The following ANAPC4 variants were observed in gnomAD, a reference collection of about 807,000 sequenced individuals.
The protein encoded by ANAPC4 is anaphase promoting complex subunit 4, also known as anaphase-promoting complex subunit 4.
ANAPC4 carries 63 observed loss-of-function variants against 119.8 expected under a neutral mutation model. That is an observed-to-expected ratio of 0.53 (90% CI 0.43 to 0.65). ANAPC4 has a LOEUF of 0.65. Ranked by LOEUF, ANAPC4 falls within the 30% of genes least tolerant of loss-of-function variation. The pLI is 0.00. For synonymous variants in ANAPC4, 283 were observed against 318.6 expected, an observed-to-expected ratio of 0.89 and a Z score of 1.19; for missense variants, 716 against 945.1, an observed-to-expected ratio of 0.76 and a Z score of 3.18.
At chr4:25,384,851 C>T (rs920582206) in intron 4 of ANAPC4, among the ~76,000 whole-genome samples, 10 of 151,640 alleles carry the variant, frequency 6.6e-5, no homozygotes, top group African/African-American at 2.4e-4. Flanking sequence ...CCATACGATG[C>T]AGAATGGATT....
At chr4:25,402,109 C>T (rs1208727043) in intron 16 of ANAPC4, among the ~76,000 whole-genome samples, 1 of 152,082 alleles carries the variant, frequency 6.6e-6, no homozygotes, top group East Asian at 1.9e-4. Context: ...AACTTTTTTT[C>T]TTTCTCTTAT....
intron 28 of ANAPC4, 35 bp from the exon 29 acceptor site, chr4:25,418,120 A>T: frequency 3.2e-6 from 5 of 1,567,584 alleles, no homozygotes; most frequent in Non-Finnish European, 4.4e-6. Flanking sequence ...TAAGCCATTA[A>T]TTTAAAAATG....
intron 27 of ANAPC4, chr4:25,416,950 T>C (rs1723910436): frequency 6.2e-6 from 1 of 161,492 alleles, no homozygotes; most frequent in African/African-American, 2.4e-5. Flanking sequence ...CCTTCCAGAA[T>C]TAAGACCTCA....
intron 10 of ANAPC4, among the ~76,000 whole-genome samples, chr4:25,393,023 C>T (rs567512996): frequency 1.3e-5 from 2 of 152,278 alleles, no homozygotes; most frequent in South Asian, 2.1e-4. Context: ...TGCTGCATTC[C>T]GTTAGTCAAA....
In ANAPC4 at chr4:25,405,554, T is replaced by C; in HGVS notation, c.1271-19T>C. The stretch of plus-strand genomic sequence containing the variant: ...TGTAGTTTGCTTTTAAAGATAGTTT[T>C]TTAACTTTGTATTTCCAGCAATGTT... On this transcript the variant is annotated intron_variant, in intron 17 of 28. Coordinates refer to ENST00000315368, the MANE Select transcript of ANAPC4 (RefSeq NM_013367.3). The surrounding 1 kb of genome is among the most constrained non-coding windows in gnomAD (Gnocchi z 4.6). 1 of 1,611,778 alleles carries C rather than the reference T, an allele frequency of 6.2e-7. No individual in the cohort carries two copies. The highest frequency in any genetic ancestry group is 1.1e-5 in the South Asian group (1 of 90,996).
At chr4:25,397,956 G>C (rs1722749422) in intron 16 of ANAPC4, among the ~76,000 whole-genome samples, 1 of 151,578 alleles carries the variant, frequency 6.6e-6, no homozygotes, top group Admixed American at 6.6e-5. Context: ...TTTTGCGATG[G>C]GGTCTTTCTA....
At chr4:25,395,416 T>C (rs1031327223) in intron 14 of ANAPC4, 2 of 152,210 alleles carry the variant, frequency 1.3e-5, no homozygotes, top group African/African-American at 4.8e-5. Context: ...TTGAAGCATT[T>C]TACAAGTGGA....
chr4:25,413,013 A>T (rs146372389), intron 21 of ANAPC4: 1 of 152,014 alleles, frequency 6.6e-6, no homozygotes, highest in East Asian at 1.9e-4. Context: ...ACAGAACTAG[A>T]TACTTAGTTA....
At chr4:25,407,345 G>C in intron 20 of ANAPC4, 92 bp downstream of exon 20, 1 of 912,638 alleles carries the variant, frequency 1.1e-6, no homozygotes, top group Non-Finnish European at 1.6e-6. Context: ...AGTAATACAG[G>C]ATCTCTGCCC....
At chr4:25,401,427 G>A (rs1722966714) in intron 16 of ANAPC4, among the ~76,000 whole-genome samples, 1 of 152,204 alleles carries the variant, frequency 6.6e-6, no homozygotes, top group East Asian at 1.9e-4. Context: ...TGACTGGAGA[G>A]TAGCCCCCTA....
intron 14 of ANAPC4, among the ~76,000 whole-genome samples, chr4:25,396,459 CT>C (rs1314872880): frequency 6.6e-6 from 1 of 152,196 alleles, no homozygotes; most frequent in Non-Finnish European, 1.5e-5. Context: ...AAAATTTGAT[CT>C]TGTCATTTGT....
At chr4:25,411,767 G>A (rs1046543506) in intron 21 of ANAPC4, among the ~76,000 whole-genome samples, 10 of 152,168 alleles carry the variant, frequency 6.6e-5, no homozygotes, top group Non-Finnish European at 1.5e-4. Context: ...CTGGCACTTA[G>A]CACAGAAGCA....
chr4:25,405,523 T>A lies in ANAPC4; in HGVS notation c.1271-50T>A, dbSNP rs1723201956. The A allele has an allele frequency of 6.7e-7, 1 of 1,495,674 alleles. No individual in the cohort carries two copies. The highest frequency in any genetic ancestry group is 1.4e-5 in the African/African-American group (1 of 72,634). The allele number at this position is 1,495,674 out of a possible 1,614,324, so 92.7% of individuals were successfully genotyped here. A position where few individuals can be genotyped will look rare whatever the true frequency, so the allele number is the denominator to read the frequency against. On this transcript the variant is annotated intron_variant, in intron 17 of 28. Coordinates refer to ENST00000315368, the MANE Select transcript of ANAPC4 (RefSeq NM_013367.3). This position sits in a 1 kb window ranked among gnomAD's most constrained non-coding sequence, Gnocchi z 4.6. The stretch of plus-strand genomic sequence containing the variant: ...TTTGAAATGTATTTATAATTAAAAT[T>A]ATGTTTGTAGTTTGCTTTTAAAGAT...
At chr4:25,401,922 A>G (rs568905388) in intron 16 of ANAPC4, among the ~76,000 whole-genome samples, 1 of 152,332 alleles carries the variant, frequency 6.6e-6, no homozygotes, top group South Asian at 2.1e-4. Flanking sequence ...GAGAGCAGAT[A>G]TAAAATACTA....
intron 26 of ANAPC4, 126 bp downstream of exon 26, chr4:25,415,666 G>A (rs1723828362): frequency 8.7e-6 from 6 of 690,434 alleles, no homozygotes; most frequent in Admixed American, 3.0e-5. Context: ...CCCACATCAA[G>A]GGCAGGATTC....
intron 4 of ANAPC4, 68 bp from the exon 5 acceptor site, chr4:25,388,432 G>T: frequency 9.5e-7 from 1 of 1,056,358 alleles, no homozygotes. Flanking sequence ...TTAAAAATTA[G>T]CATTTTTAAT....
chr4:25,407,236 G>C lies in ANAPC4; in HGVS notation c.1414G>C (p.Val472Leu), dbSNP rs781603844. 2 of 1,607,940 alleles carry C rather than the reference G, an allele frequency of 1.2e-6. No homozygotes were observed. Among genetic ancestry groups the C allele is most frequent in the Admixed American group, 1.7e-5 (1 of 58,150 alleles). Residue 472 changes from valine to leucine, a missense_variant, in exon 20 of 29, where the codon GTT (valine) becomes CTT (leucine). Val to Leu is a conservative substitution (Grantham distance 32). Transcript: ENST00000315368. ...TAATCGAAAAGGAAAATACTTTAAC[G>C]TTGAAAGAGTTGGTCAGGTATGGGC... is the stretch of plus-strand genomic sequence containing the variant. ...LYNRKGKYFN[V>L]ERVGQYLKDE... is the part of the protein sequence containing the mutation.
chr4:25,407,071 A>C lies in ANAPC4; in HGVS notation c.1375-126A>C, dbSNP rs315665. 3.7e-3 allele frequency: 3,417 copies of C among 930,528 alleles called. 53 individuals carry two copies. The African/African-American group carries it at 0.045, about 12-fold the overall frequency. The allele number at this position is 930,528 out of a possible 1,614,324, so 57.6% of individuals were successfully genotyped here. On this transcript the variant is annotated intron_variant, in intron 19 of 28. Coordinates refer to ENST00000315368, the MANE Select transcript of ANAPC4 (RefSeq NM_013367.3). ...CCAGACTTTTGTTTGTGTGTCTTAT[A>C]ATCTATAAAAGAAAATAATAACTGC...
At chr4:25,389,606 T>G (rs903788714) in intron 7 of ANAPC4, among the ~76,000 whole-genome samples, 13 of 152,220 alleles carry the variant, frequency 8.5e-5, no homozygotes, top group Admixed American at 7.2e-4. Flanking sequence ...TCGTTGACAT[T>G]AATACCTTCA....
Sources: allele counts gnomAD v4.1 joint callset (sites outside exome capture counted in the v4.1 genomes callset), GRCh38; gene constraint gnomAD v4.1.1; non-coding constraint Gnocchi (gnomAD v3.1); transcripts MANE v1.5; gene names NCBI Gene and HGNC (gene_info 2026-07-23, HGNC 2026-07-21).